The following KCNH8 variants were observed in gnomAD, a reference collection of about 807,000 sequenced individuals.
KCNH8 encodes voltage-gated delayed rectifier potassium channel KCNH8.
A neutral mutation model predicts 103.6 loss-of-function variants in KCNH8; 70 were observed. The ratio of observed to expected loss-of-function variants is 0.68; its 90% CI spans 0.56 to 0.82. The LOEUF is 0.82. Ranked by LOEUF, KCNH8 falls within the 40% of genes least tolerant of loss-of-function variation. KCNH8 has a pLI of 0.00. For missense variants in KCNH8, 1,217 were observed against 1,329.9 expected, an observed-to-expected ratio of 0.92 and a Z score of 1.32; for synonymous variants, 498 against 489.4, an observed-to-expected ratio of 1.02 and a Z score of -0.23.
intron 11 of KCNH8, among the ~76,000 whole-genome samples, chr3:19,470,405 T>A (rs533566226): frequency 4.1e-4 from 63 of 152,358 alleles, no homozygotes; most frequent in African/African-American, 1.4e-3. Context: ...TCAGTAGACT[T>A]GCCATCTTAT....
chr3:19,396,466 T>G (rs1344587595), intron 7 of KCNH8, among the ~76,000 whole-genome samples: 1 of 152,034 alleles, frequency 6.6e-6, no homozygotes, highest in African/African-American at 2.4e-5. Flanking sequence ...CAATTTTATT[T>G]CTGAGCTACA....
Position 19,395,324 on chromosome 3 carries a change from A to G in KCNH8, c.1177+13A>G, listed in dbSNP as rs762050179. The G allele has an allele frequency of 7.0e-6, 11 of 1,570,454 alleles. No homozygotes were observed. The Admixed American group carries it at 8.7e-5, about 12-fold the overall frequency. ...AAGTGGGAAGTTGGTAAGGGCTTACATTTGTCACATTTTCCATTTTTTAAT... is the reference window on the plus strand; with the variant it reads ...AAGTGGGAAGTTGGTAAGGGCTTACGTTTGTCACATTTTCCATTTTTTAAT... On this transcript the variant is annotated intron_variant, in intron 7 of 15. Coordinates refer to ENST00000328405, the MANE Select transcript of KCNH8 (RefSeq NM_144633.3).
At chr3:19,501,364 C>A (rs1322565323) in intron 11 of KCNH8, among the ~76,000 whole-genome samples, 1 of 152,140 alleles carries the variant, frequency 6.6e-6, no homozygotes, top group Non-Finnish European at 1.5e-5. Flanking sequence ...GGAACTGGTA[C>A]CATTCCTTCT....
chr3:19,496,114 T>C (rs2068435788), intron 11 of KCNH8, among the ~76,000 whole-genome samples: 2 of 152,208 alleles, frequency 1.3e-5, no homozygotes, highest in African/African-American at 4.8e-5. Flanking sequence ...CTATGGGGTT[T>C]TCTAGATATA....
Position 19,513,200 on chromosome 3 carries a change from C to A in KCNH8, c.2310C>A (p.Ser770=). The A allele has an allele frequency of 6.2e-7, 1 of 1,613,924 alleles. No individual in the cohort carries two copies. Residue 770 remains serine, a synonymous_variant, in exon 13 of 16, where the codon TCC becomes TCA. Coordinates refer to ENST00000328405, the MANE Select transcript of KCNH8 (RefSeq NM_144633.3). ...TVPFHSPIRV[S]RSNSPKTKQE... is the part of the protein sequence containing the mutation. ...CCTTTCACTCGCCTATCAGAGTCTC[C>A]AGGTCAAATTCCCCCAAAACCAAGC...
At chr3:19,507,481 C>G (rs1360369699) in intron 11 of KCNH8, among the ~76,000 whole-genome samples, 2 of 152,202 alleles carry the variant, frequency 1.3e-5, no homozygotes, top group South Asian at 2.1e-4. Flanking sequence ...GCTGAAGGTG[C>G]CAGCATAGTG....
intron 11 of KCNH8, among the ~76,000 whole-genome samples, chr3:19,504,481 C>T (rs754573916): frequency 2.6e-5 from 4 of 152,024 alleles, no homozygotes; most frequent in Admixed American, 6.6e-5. Context: ...AACACATTTA[C>T]AAGCAAAACA....
intron 5 of KCNH8, among the ~76,000 whole-genome samples, chr3:19,348,359 C>A (rs1282577235): frequency 6.6e-6 from 1 of 151,644 alleles, no homozygotes; most frequent in Non-Finnish European, 1.5e-5. Flanking sequence ...TTCTCCATGC[C>A]CTTCCGTGCC....
At chr3:19,209,398 G>A (rs1280044236) in intron 1 of KCNH8, among the ~76,000 whole-genome samples, 1 of 152,036 alleles carries the variant, frequency 6.6e-6, no homozygotes, top group Non-Finnish European at 1.5e-5. Context: ...CTGAGGCCAA[G>A]GAGTTATGTT....
chr3:19,186,043 G>A (rs1233059407), intron 1 of KCNH8, among the ~76,000 whole-genome samples: 1 of 151,768 alleles, frequency 6.6e-6, no homozygotes, highest in Non-Finnish European at 1.5e-5. Context: ...GGAAAATAGG[G>A]ATTTAGTTAA....
chr3:19,380,194 C>G (rs2066270067), intron 5 of KCNH8, among the ~76,000 whole-genome samples: 1 of 152,128 alleles, frequency 6.6e-6, no homozygotes, highest in Non-Finnish European at 1.5e-5. Flanking sequence ...CTTTCCTTCC[C>G]TCCTGAAATT....
intron 1 of KCNH8, among the ~76,000 whole-genome samples, chr3:19,226,112 C>T (rs1235045943): frequency 6.6e-6 from 1 of 152,194 alleles, no homozygotes; most frequent in Non-Finnish European, 1.5e-5. Context: ...ATATTGAATG[C>T]TTGTCTTGTA....
At chr3:19,343,254 T>C (rs563007009) in intron 4 of KCNH8, among the ~76,000 whole-genome samples, 1 of 152,192 alleles carries the variant, frequency 6.6e-6, no homozygotes, top group African/African-American at 2.4e-5. Context: ...CGTTAAATAA[T>C]TTGGGAAAGT....
At chr3:19,504,817 A>G (rs527377818) in intron 11 of KCNH8, among the ~76,000 whole-genome samples, 1 of 152,206 alleles carries the variant, frequency 6.6e-6, no homozygotes, top group South Asian at 2.1e-4. Context: ...CAACAATCAC[A>G]TTATTGGGTA....
intron 1 of KCNH8, among the ~76,000 whole-genome samples, chr3:19,210,287 CTT>C (rs1247915415): frequency 6.6e-6 from 1 of 151,910 alleles, no homozygotes; most frequent in African/African-American, 2.4e-5. Context: ...CTTTCTTCTA[CTT>C]TTTTCTTTTT....
chr3:19,251,931 CATACT>C (rs1433125284), intron 1 of KCNH8, among the ~76,000 whole-genome samples: 2 of 152,230 alleles, frequency 1.3e-5, no homozygotes, highest in Middle Eastern at 3.4e-3. Context: ...CATATAATAA[CATACT>C]ATACTGAATC....
chr3:19,352,701 A>G (rs2065820862), intron 5 of KCNH8, among the ~76,000 whole-genome samples: 1 of 152,222 alleles, frequency 6.6e-6, no homozygotes, highest in South Asian at 2.1e-4. Context: ...CAAAGACACA[A>G]CATACCAGAA....
At chr3:19,232,249 C>T (rs1258472778) in intron 1 of KCNH8, among the ~76,000 whole-genome samples, 1 of 152,126 alleles carries the variant, frequency 6.6e-6, no homozygotes, top group African/African-American at 2.4e-5. Flanking sequence ...AACTTGAATA[C>T]GTCATCTGTG....
At chr3:19,520,857 G>A (rs1446087092) in intron 15 of KCNH8, among the ~76,000 whole-genome samples, 2 of 151,946 alleles carry the variant, frequency 1.3e-5, no homozygotes, top group Non-Finnish European at 2.9e-5. Flanking sequence ...CATAAAGAAA[G>A]TGTTCATCAG....
Sources: allele counts gnomAD v4.1 joint callset (sites outside exome capture counted in the v4.1 genomes callset), GRCh38; gene constraint gnomAD v4.1.1; transcripts MANE v1.5; gene names NCBI Gene and HGNC (gene_info 2026-07-23, HGNC 2026-07-21).